The following PALM2AKAP2 variants were observed in gnomAD, a reference collection of about 807,000 sequenced individuals.
The protein encoded by PALM2AKAP2 is PALM2 and AKAP2 fusion, also known as PALM2-AKAP2 fusion protein.
In PALM2AKAP2, 37 loss-of-function variants were observed where a neutral mutation model predicts 71.5. The ratio of observed to expected loss-of-function variants is 0.52; its 90% CI spans 0.40 to 0.68. PALM2AKAP2 has a LOEUF of 0.68. Ranked by LOEUF, PALM2AKAP2 falls within the 30% of genes least tolerant of loss-of-function variation. The pLI is 0.00. For missense variants in PALM2AKAP2, 1,224 were observed against 1,191.8 expected, an observed-to-expected ratio of 1.03 and a Z score of -0.40; for synonymous variants, 468 against 478.8, an observed-to-expected ratio of 0.98 and a Z score of 0.29.
At chr9:109,662,043 T>C (rs1564104803) in intron 1 of PALM2AKAP2, among the ~76,000 whole-genome samples, 1 of 152,234 alleles carries the variant, frequency 6.6e-6, no homozygotes, top group Non-Finnish European at 1.5e-5. Flanking sequence ...CTGAAGTTGC[T>C]TATCAGCTTA....
chr9:109,963,008 G>T (rs868420077), intron 6 of PALM2AKAP2, among the ~76,000 whole-genome samples: 1 of 152,212 alleles, frequency 6.6e-6, no homozygotes, highest in Admixed American at 6.5e-5. Flanking sequence ...GAGCACTTGT[G>T]CTTGTGTACA....
At chr9:110,078,236 G>T (rs560165470) in intron 1 of PALM2AKAP2, among the ~76,000 whole-genome samples, 63 of 152,252 alleles carry the variant, frequency 4.1e-4, no homozygotes, top group African/African-American at 1.4e-3. Context: ...TTTAGACAGG[G>T]TGTATTCTGG....
chr9:109,814,182 CCA>C (rs979053116), intron 1 of PALM2AKAP2, among the ~76,000 whole-genome samples: 1 of 152,176 alleles, frequency 6.6e-6, no homozygotes, highest in African/African-American at 2.4e-5. Flanking sequence ...TAAGCAAATG[CCA>C]CACAAAAGAA....
At chr9:110,052,754 G>A (rs1183230412) in intron 1 of PALM2AKAP2, among the ~76,000 whole-genome samples, 1 of 152,194 alleles carries the variant, frequency 6.6e-6, no homozygotes, top group Non-Finnish European at 1.5e-5. Context: ...TTGACTGGTG[G>A]TGAATGTGCT....
intron 1 of PALM2AKAP2, among the ~76,000 whole-genome samples, chr9:110,079,429 G>A (rs766773404): frequency 2.0e-5 from 3 of 152,156 alleles, no homozygotes; most frequent in Non-Finnish European, 2.9e-5. Flanking sequence ...TCAGGAGGCG[G>A]ATGTTGCAGT....
At chr9:109,816,355 A>C (rs1045872892) in intron 1 of PALM2AKAP2, among the ~76,000 whole-genome samples, 1 of 152,226 alleles carries the variant, frequency 6.6e-6, no homozygotes, top group Non-Finnish European at 1.5e-5. Flanking sequence ...GAAAAGACAT[A>C]AAAATGAAGA....
At chr9:110,035,840 A>G (rs746181864) in intron 7 of PALM2AKAP2, among the ~76,000 whole-genome samples, 70 of 140,714 alleles carry the variant, frequency 5.0e-4, no homozygotes, top group South Asian at 1.5e-3. Flanking sequence ...TGTGTTATAT[A>G]TAATATATAT....
intron 6 of PALM2AKAP2, among the ~76,000 whole-genome samples, chr9:109,991,660 A>G (rs183382322): frequency 1.0e-3 from 152 of 152,350 alleles, no homozygotes; most frequent in African/African-American, 3.6e-3. Flanking sequence ...CCTTGCTGGT[A>G]TACATCTCAA....
chr9:109,865,079 C>T (rs371182063), intron 1 of PALM2AKAP2, among the ~76,000 whole-genome samples: 5 of 141,230 alleles, frequency 3.5e-5, no homozygotes, highest in African/African-American at 1.3e-4. Flanking sequence ...TTGTATCTAC[C>T]TAAATCCTAC....
intron 1 of PALM2AKAP2, among the ~76,000 whole-genome samples, chr9:110,127,298 C>A (rs867537111): frequency 6.6e-6 from 1 of 152,146 alleles, no homozygotes; most frequent in Admixed American, 6.5e-5. Flanking sequence ...ACAGCATTGA[C>A]CCGAGCCTGC....
intron 1 of PALM2AKAP2, among the ~76,000 whole-genome samples, chr9:109,820,037 A>G (rs534947030): frequency 8.1e-4 from 124 of 152,352 alleles, no homozygotes; most frequent in African/African-American, 2.6e-3. Context: ...AAAATAGATC[A>G]GTATGTACTG....
chr9:109,894,262 C>T (rs1187097150), intron 3 of PALM2AKAP2, among the ~76,000 whole-genome samples: 2 of 152,170 alleles, frequency 1.3e-5, no homozygotes, highest in Non-Finnish European at 2.9e-5. Context: ...CTGCTTGAAC[C>T]CAGGAGGCAG....
intron 1 of PALM2AKAP2, among the ~76,000 whole-genome samples, chr9:109,718,211 G>C (rs1466667882): frequency 6.6e-6 from 1 of 151,974 alleles, no homozygotes; most frequent in Non-Finnish European, 1.5e-5. Flanking sequence ...TTCCCGAGTA[G>C]CTGAGACTGC....
intron 7 of PALM2AKAP2, among the ~76,000 whole-genome samples, chr9:110,037,935 C>G (rs556114892): frequency 6.6e-5 from 10 of 152,114 alleles, no homozygotes; most frequent in South Asian, 2.1e-4. Context: ...TGGATGAGAT[C>G]ACAGAGAGAA....
chr9:110,135,164 A>AAAAAAAAAAAAAATATATATAT, intron 1 of PALM2AKAP2, among the ~76,000 whole-genome samples: 3 of 51,728 alleles, frequency 5.8e-5, no homozygotes, highest in Non-Finnish European at 1.1e-4. Flanking sequence ...AAAAAAAAAA[A>AAAAAAAAAAAAAATATATATAT]ATATATAAAT....
At chr9:109,906,041 C>G (rs1830438953) in intron 3 of PALM2AKAP2, among the ~76,000 whole-genome samples, 1 of 152,036 alleles carries the variant, frequency 6.6e-6, no homozygotes, top group Non-Finnish European at 1.5e-5. Context: ...TTCTTTTCCT[C>G]AAGAAGAGGT....
At chr9:109,880,781 T>A in intron 3 of PALM2AKAP2, 100 bp downstream of exon 3, 1 of 1,430,880 alleles carries the variant, frequency 7.0e-7, no homozygotes, top group Non-Finnish European at 9.2e-7. Context: ...TACCTTCTCC[T>A]GTACTTGAGA....
intron 1 of PALM2AKAP2, among the ~76,000 whole-genome samples, chr9:109,702,227 C>A (rs1256431566): frequency 6.6e-6 from 1 of 152,108 alleles, no homozygotes; most frequent in Non-Finnish European, 1.5e-5. Context: ...TTGACCCAGC[C>A]ATCCCATTAC....
intron 6 of PALM2AKAP2, among the ~76,000 whole-genome samples, chr9:109,968,866 C>G (rs982580958): frequency 6.6e-6 from 1 of 152,164 alleles, no homozygotes; most frequent in Non-Finnish European, 1.5e-5. Flanking sequence ...AGGATTTCTT[C>G]CAGTGACAGA....
Sources: allele counts gnomAD v4.1 joint callset (sites outside exome capture counted in the v4.1 genomes callset), GRCh38; gene constraint gnomAD v4.1.1; transcripts MANE v1.5; gene names NCBI Gene and HGNC (gene_info 2026-07-23, HGNC 2026-07-21).